The following ADAMTS19 variants were observed in gnomAD, a reference collection of about 807,000 sequenced individuals.
The protein encoded by ADAMTS19 is A disintegrin and metalloproteinase with thrombospondin motifs 19.
Under a neutral mutation model 153.3 loss-of-function variants are expected in ADAMTS19, and 93 were observed. The observed-to-expected ratio is 0.61, with a 90% CI of 0.51 to 0.72. ADAMTS19 has a LOEUF of 0.72. Among genes scored for constraint, ADAMTS19 ranks in the 30% least tolerant of loss-of-function variants. The pLI, the probability that ADAMTS19 is intolerant of heterozygous loss-of-function variation, is 0.00. For missense variants in ADAMTS19, 1,482 were observed against 1,552.1 expected, an observed-to-expected ratio of 0.95 and a Z score of 0.76; for synonymous variants, 600 against 556.6, an observed-to-expected ratio of 1.08 and a Z score of -1.10.
chr5:129,593,006 G>C (rs993773850), intron 7 of ADAMTS19, among the ~76,000 whole-genome samples: 7 of 151,746 alleles, frequency 4.6e-5, no homozygotes, highest in Non-Finnish European at 8.8e-5. Context: ...TAAACTATTG[G>C]CTTTATCATC....
chr5:129,644,213 T>A (rs1037765383), intron 11 of ADAMTS19, among the ~76,000 whole-genome samples: 3 of 152,240 alleles, frequency 2.0e-5, no homozygotes, highest in African/African-American at 7.2e-5. Context: ...ATGCTTTGTA[T>A]ATTGAAATAA....
chr5:129,672,016 T>C (rs142596028), intron 16 of ADAMTS19, among the ~76,000 whole-genome samples: 164 of 152,294 alleles, frequency 1.1e-3, no homozygotes, highest in African/African-American at 3.7e-3. Context: ...CTTTGTGGCT[T>C]ATAAACAACA....
At chr5:129,703,228 T>C (rs1249597067) in intron 20 of ADAMTS19, among the ~76,000 whole-genome samples, 2 of 151,298 alleles carry the variant, frequency 1.3e-5, no homozygotes, top group Non-Finnish European at 2.9e-5. Context: ...GAATACTTCA[T>C]ACATATTCCA....
At position 129,648,859 on chromosome 5, in the gene ADAMTS19, C is replaced by A. The variant is rs369857047; in HGVS notation, c.2065C>A (p.Pro689Thr). 22 of 1,613,754 alleles carry A rather than the reference C, an allele frequency of 1.4e-5. No individual in the cohort carries two copies. Among genetic ancestry groups the A allele is most frequent in the African/African-American group, 2.7e-5 (2 of 74,890 alleles). The change falls in exon 13 of 23, where the codon CCA becomes ACA. Residue 689 changes from proline to threonine, a missense_variant. Pro to Thr is a conservative substitution (Grantham distance 38). Around this residue, in one of 2 missense-constraint regions of ADAMTS19, gnomAD observed 616 missense variants for 724.4 expected, o/e 0.85. Coordinates refer to ENST00000274487, the MANE Select transcript of ADAMTS19 (RefSeq NM_133638.6). ...AAAACAATACAGAATATGTGAGAAT[C>A]CACCTTGTCCTGCAGGTTTGCCTGG... Reference protein sequence around the residue: ...PRKQYRICENPPCPAGLPGFR... With the variant: ...PRKQYRICENTPCPAGLPGFR...
At chr5:129,550,846 T>G (rs1753065370) in intron 6 of ADAMTS19, among the ~76,000 whole-genome samples, 1 of 151,700 alleles carries the variant, frequency 6.6e-6, no homozygotes, top group African/African-American at 2.4e-5. Context: ...TAGTAAAAAT[T>G]GTATAGAACC....
intron 10 of ADAMTS19, among the ~76,000 whole-genome samples, chr5:129,632,481 T>C (rs932890929): frequency 6.6e-6 from 1 of 151,994 alleles, no homozygotes; most frequent in African/African-American, 2.4e-5. Flanking sequence ...TCTTTTACTT[T>C]TAGCTTGATA....
intron 20 of ADAMTS19, among the ~76,000 whole-genome samples, chr5:129,702,941 A>AAAAAAAAAAAAAAATATAT: frequency 3.4e-5 from 1 of 29,308 alleles, no homozygotes; most frequent in African/African-American, 8.5e-5. Context: ...AAAAAAAAAA[A>AAAAAAAAAAAAAAATATAT]ATATATATAT....
chr5:129,563,187 A>C (rs1322238963), intron 7 of ADAMTS19, among the ~76,000 whole-genome samples: 1 of 152,128 alleles, frequency 6.6e-6, no homozygotes, highest in African/African-American at 2.4e-5. Context: ...AAAATAGCTT[A>C]ATTTTTATTA....
intron 15 of ADAMTS19, among the ~76,000 whole-genome samples, chr5:129,661,459 A>G (rs1753809565): frequency 6.6e-6 from 1 of 152,140 alleles, no homozygotes; most frequent in African/African-American, 2.4e-5. Flanking sequence ...CCCTACAGTT[A>G]TGTACTTCCT....
intron 7 of ADAMTS19, among the ~76,000 whole-genome samples, chr5:129,559,959 C>A (rs1219511603): frequency 1.3e-5 from 2 of 152,152 alleles, no homozygotes; most frequent in Non-Finnish European, 2.9e-5. Context: ...CCTAATCTTA[C>A]TTTCCTCCTA....
At chr5:129,598,772 T>C (rs1750504418) in intron 8 of ADAMTS19, among the ~76,000 whole-genome samples, 2 of 152,206 alleles carry the variant, frequency 1.3e-5, no homozygotes, top group Admixed American at 6.5e-5. Flanking sequence ...TGTATAGATA[T>C]GCAGTTGTCC....
chr5:129,601,163 C>A (rs534731273), intron 8 of ADAMTS19, among the ~76,000 whole-genome samples: 5 of 152,202 alleles, frequency 3.3e-5, no homozygotes, highest in Admixed American at 2.0e-4. Context: ...TGAGCCACCA[C>A]GCCCAGCCAG....
chr5:129,610,717 C>A (rs1486965868), intron 8 of ADAMTS19, among the ~76,000 whole-genome samples: 1 of 152,078 alleles, frequency 6.6e-6, no homozygotes, highest in African/African-American at 2.4e-5. Context: ...GGTTCCAAGT[C>A]TTTGCTATTG....
chr5:129,610,120 A>T (rs1309958058), intron 8 of ADAMTS19, among the ~76,000 whole-genome samples: 5 of 151,558 alleles, frequency 3.3e-5, no homozygotes, highest in African/African-American at 9.7e-5. Flanking sequence ...TATATTATTT[A>T]AAATTAACCA....
At chr5:129,684,072 C>T (rs960526337) in intron 17 of ADAMTS19, 48 bp from the exon 18 acceptor site, 7 of 1,541,878 alleles carry the variant, frequency 4.5e-6, no homozygotes, top group East Asian at 2.3e-5. Flanking sequence ...TTACATTGCA[C>T]GTGCTCTAGT....
chr5:129,579,210 TC>T (rs1195304992), intron 7 of ADAMTS19, among the ~76,000 whole-genome samples: 1 of 152,248 alleles, frequency 6.6e-6, no homozygotes, highest in South Asian at 2.1e-4. Context: ...GAGCTTTTTT[TC>T]ATATGTTTGT....
intron 12 of ADAMTS19, 30 bp from the exon 13 acceptor site, chr5:129,648,768 A>T: frequency 6.3e-7 from 1 of 1,599,364 alleles, no homozygotes; most frequent in Non-Finnish European, 8.5e-7. Context: ...TAAAAAACAT[A>T]AAATTGATTA....
At chr5:129,670,672 C>T (rs1014228469) in intron 16 of ADAMTS19, among the ~76,000 whole-genome samples, 4 of 152,108 alleles carry the variant, frequency 2.6e-5, no homozygotes, top group African/African-American at 9.7e-5. Flanking sequence ...TATTTGAACA[C>T]ATTTTCTTTA....
chr5:129,706,389 G>C (rs1386520177), intron 21 of ADAMTS19, among the ~76,000 whole-genome samples: 1 of 152,084 alleles, frequency 6.6e-6, no homozygotes, highest in African/African-American at 2.4e-5. Flanking sequence ...GGCCAACATG[G>C]AGAAACCCCG....
Sources: gnomAD v4.1 joint callset for allele counts (sites outside exome capture counted in the v4.1 genomes callset) on GRCh38, gnomAD v4.1.1 for gene constraint, gnomAD v4.1.1 regional missense constraint, MANE v1.5 for transcripts, NCBI Gene and HGNC (gene_info 2026-07-23, HGNC 2026-07-21) for gene names.